Variants in THOC2 observed in about 807,000 individuals in gnomAD.
THOC2 encodes the protein THO complex 2.
In THOC2, 10 loss-of-function variants were observed where a neutral mutation model predicts 128.4. The observed-to-expected ratio is 0.08, with a 90% CI of 0.05 to 0.13. The LOEUF (loss-of-function observed/expected upper bound fraction) is 0.13, where lower values mean the gene tolerates loss of function less well. Ranked by LOEUF, THOC2 falls within the 10% of genes least tolerant of loss-of-function variation. The probability of loss-of-function intolerance (pLI) is 1.00; values close to 1 mark genes in which losing one functional copy is unlikely to be tolerated. For missense variants in THOC2, 535 were observed against 1,155.7 expected (o/e 0.46, Z 7.79); for synonymous variants, 393 against 396.9 (o/e 0.99, Z 0.12).
At chrX:123,693,222 G>T (rs970015590) in intron 7 of THOC2, among the ~76,000 whole-genome samples, 10 of 112,549 alleles carry the variant, frequency 8.9e-5, no homozygotes, top group African/African-American at 2.6e-4. Flanking sequence ...ACTTTGGGAG[G>T]CTGAGGCAGG....
At chrX:123,699,718 C>A (rs2050613161) in intron 4 of THOC2, among the ~76,000 whole-genome samples, 1 of 111,787 alleles carries the variant, frequency 8.9e-6, no homozygotes, top group South Asian at 3.7e-4. Context: ...CTCCTCTCAG[C>A]CACTTAACCT....
intron 7 of THOC2, among the ~76,000 whole-genome samples, chrX:123,689,130 T>C (rs1012940314): frequency 2.7e-5 from 3 of 112,513 alleles, no homozygotes; most frequent in African/African-American, 9.7e-5. Context: ...ATTTTCAGTA[T>C]GCTGAAATGT....
At chrX:123,641,987 T>TA (rs779847050) in intron 15 of THOC2, among the ~76,000 whole-genome samples, 42 of 112,370 alleles carry the variant, frequency 3.7e-4, no homozygotes, top group Non-Finnish European at 7.1e-4. Context: ...CCAAGTATAT[T>TA]AAAAATTCTG....
chrX:123,675,583 C>T (rs960810102), intron 8 of THOC2, among the ~76,000 whole-genome samples: 1 of 108,382 alleles, frequency 9.2e-6, no homozygotes, highest in African/African-American at 3.4e-5. Context: ...ACAGAGGTTG[C>T]AGTGAGCCGA....
At position 123,622,783 on chromosome X, in the gene THOC2, T is replaced by C. The variant is rs745594715; in HGVS notation, c.3760A>G (p.Ser1254Gly). 4.2e-6 allele frequency: 5 copies of C among 1,196,132 alleles called. No homozygotes were observed. Among genetic ancestry groups the C allele is most frequent in the South Asian group, 1.8e-5 (1 of 55,837 alleles). The change falls in exon 30 of 39, where the codon AGC (serine) becomes GGC (glycine). Residue 1254 changes from serine (S) to glycine (G), a missense_variant. Around this residue, in one of 9 missense-constraint regions of THOC2, gnomAD observed 116 missense variants for 180.0 expected, o/e 0.64. Coordinates refer to ENST00000245838, the MANE Select transcript of THOC2 (RefSeq NM_001081550.2). ...CTGTTAGAGCCACTATTTCCATTGC[T>C]TGAATTCCCTTTAGGTGTGGTACTA... is the stretch of plus-strand genomic sequence containing the variant. ...ASSTTPKGNS[S>G]NGNSGSNSNK...
chrX:123,692,694 G>T (rs1224262225), intron 7 of THOC2, among the ~76,000 whole-genome samples: 1 of 109,915 alleles, frequency 9.1e-6, no homozygotes, highest in Non-Finnish European at 1.9e-5. Context: ...TAGAGACAGG[G>T]TTTTACCATG....
chrX:123,672,825 G>A (rs191460387), intron 8 of THOC2, among the ~76,000 whole-genome samples: 13 of 112,332 alleles, frequency 1.2e-4, no homozygotes, highest in African/African-American at 3.9e-4. Flanking sequence ...CTGGCCAAAT[G>A]TAAATAAAAA....
intron 4 of THOC2, among the ~76,000 whole-genome samples, chrX:123,700,544 T>TGGGGGGGGGGGGGGGGGGGG (rs1216548328): frequency 8.7e-5 from 2 of 22,943 alleles, no homozygotes; most frequent in African/African-American, 3.2e-4. Context: ...GGTGAGGGGG[T>TGGGGGGGGGGGGGGGGGGGG]GGGGGGGGGT....
At chrX:123,651,455 C>G (rs2048350961) in intron 12 of THOC2, among the ~76,000 whole-genome samples, 1 of 111,324 alleles carries the variant, frequency 9.0e-6, no homozygotes, top group African/African-American at 3.3e-5. Context: ...AAGATCAGAG[C>G]AGAACTGAAG....
At chrX:123,698,506 T>C (rs1349342149) in intron 4 of THOC2, among the ~76,000 whole-genome samples, 1 of 105,709 alleles carries the variant, frequency 9.5e-6, no homozygotes, top group Non-Finnish European at 1.9e-5. Flanking sequence ...ATCAAACCCA[T>C]GACTTTCGCC....
chrX:123,659,123 C>T (rs758204796), intron 12 of THOC2, among the ~76,000 whole-genome samples: 8 of 112,246 alleles, frequency 7.1e-5, no homozygotes, highest in Non-Finnish European at 7.5e-5. Context: ...CTACACTCCT[C>T]CACTGCTTAA....
intron 12 of THOC2, among the ~76,000 whole-genome samples, chrX:123,655,690 T>C (rs2048540696): frequency 9.0e-6 from 1 of 111,296 alleles, no homozygotes; most frequent in African/African-American, 3.3e-5. Context: ...TATTTCCTAA[T>C]GTCATCTAAT....
chrX:123,665,290 A>G (rs1459741864), intron 12 of THOC2, among the ~76,000 whole-genome samples: 1 of 111,939 alleles, frequency 8.9e-6, no homozygotes. Flanking sequence ...AGTGTATTAC[A>G]ACTCCCCACA....
At chrX:123,707,689 A>C (rs1440281366) in intron 2 of THOC2, among the ~76,000 whole-genome samples, 2 of 110,660 alleles carry the variant, frequency 1.8e-5, no homozygotes, top group Non-Finnish European at 3.8e-5. Context: ...TATACTGAAA[A>C]CTTTACCTCC....
At chrX:123,723,688 C>T (rs2051809954) in intron 1 of THOC2, among the ~76,000 whole-genome samples, 1 of 110,541 alleles carries the variant, frequency 9.0e-6, no homozygotes, top group Admixed American at 9.6e-5. Flanking sequence ...ACAAAAGCAG[C>T]CAGAAACAGT....
intron 26 of THOC2, 77 bp from the exon 27 acceptor site, chrX:123,624,268 T>C: frequency 1.1e-6 from 1 of 951,217 alleles, no homozygotes; most frequent in African/African-American, 1.9e-5. Flanking sequence ...TTAAGTAGAC[T>C]AGATCAATGT....
intron 2 of THOC2, among the ~76,000 whole-genome samples, chrX:123,711,367 A>T (rs2051185555): frequency 9.1e-6 from 1 of 110,006 alleles, no homozygotes; most frequent in African/African-American, 3.3e-5. Flanking sequence ...TCAGCTATGC[A>T]AGGTGGCTCA....
intron 28 of THOC2, 71 bp from the exon 29 acceptor site, chrX:123,623,354 T>A (rs2047153716): frequency 1.0e-6 from 1 of 997,231 alleles, no homozygotes; most frequent in African/African-American, 1.9e-5. Flanking sequence ...TTTTTAAGAA[T>A]AAAATTAGCA....
chrX:123,618,975 T>C (rs1447958206), intron 33 of THOC2, among the ~76,000 whole-genome samples: 1 of 112,219 alleles, frequency 8.9e-6, no homozygotes, highest in Non-Finnish European at 1.9e-5. Context: ...TTAAAACAGA[T>C]ATGTGAATGC....
Sources: allele counts gnomAD v4.1 joint callset (sites outside exome capture counted in the v4.1 genomes callset), GRCh38; gene constraint gnomAD v4.1.1; regional missense constraint gnomAD v4.1.1; transcripts MANE v1.5; gene names NCBI Gene and HGNC (gene_info 2026-07-23, HGNC 2026-07-21).